The following UNC13C variants were observed in gnomAD, a reference collection of about 807,000 sequenced individuals.
The protein encoded by UNC13C is protein unc-13 homolog C.
In UNC13C, 174 loss-of-function variants were observed where a neutral mutation model predicts 245.4. The observed-to-expected ratio is 0.71, with a 90% CI of 0.63 to 0.80. UNC13C has a LOEUF of 0.80. Ranked by LOEUF, UNC13C falls within the 30% of genes least tolerant of loss-of-function variation. UNC13C has a pLI of 0.00. For missense variants in UNC13C, 2,829 were observed against 2,602.9 expected (o/e 1.09, Z -1.89); for synonymous variants, 992 against 895.1 (o/e 1.11, Z -1.93).
intron 2 of UNC13C, among the ~76,000 whole-genome samples, chr15:54,063,300 A>G (rs1897927388): frequency 6.6e-6 from 1 of 152,142 alleles, no homozygotes; most frequent in African/African-American, 2.4e-5. Flanking sequence ...TTCCAAAGCA[A>G]GACACACACG....
chr15:54,356,353 C>T (rs1233419186), intron 17 of UNC13C, among the ~76,000 whole-genome samples: 2 of 151,930 alleles, frequency 1.3e-5, no homozygotes, highest in African/African-American at 4.8e-5. Context: ...CCGGCAATCT[C>T]TAAAAGTGTT....
chr15:53,971,270 T>G, the UNC13C span, among the ~76,000 whole-genome samples: 1 of 152,208 alleles, frequency 6.6e-6, no homozygotes. Flanking sequence ...CATTGGATGC[T>G]TACGTTACAC....
the UNC13C span, among the ~76,000 whole-genome samples, chr15:53,874,871 G>A: frequency 2.5e-4 from 38 of 152,236 alleles, no homozygotes; most frequent in South Asian, 8.3e-4. Context: ...CAAGGCGGGC[G>A]GATCATGAGG....
chr15:53,997,725 G>C (rs1404000405), intron 1 of UNC13C, among the ~76,000 whole-genome samples: 1 of 151,942 alleles, frequency 6.6e-6, no homozygotes, highest in Non-Finnish European at 1.5e-5. Flanking sequence ...AGTTATATCA[G>C]TATCACTACT....
intron 4 of UNC13C, among the ~76,000 whole-genome samples, chr15:54,196,585 T>C (rs1567088246): frequency 6.6e-6 from 1 of 152,098 alleles, no homozygotes; most frequent in Non-Finnish European, 1.5e-5. Context: ...AATTAATAAA[T>C]GGAATATTAA....
chr15:54,089,736 A>G (rs1044879339), intron 2 of UNC13C, among the ~76,000 whole-genome samples: 2 of 150,994 alleles, frequency 1.3e-5, no homozygotes, highest in Admixed American at 1.3e-4. Context: ...TTGGATTCAG[A>G]ATGGGACATT....
chr15:53,893,427 G>A, the UNC13C span, among the ~76,000 whole-genome samples: 1 of 152,330 alleles, frequency 6.6e-6, no homozygotes, highest in East Asian at 1.9e-4. Flanking sequence ...AGGCAGGAAT[G>A]TTTAAATCTG....
intron 19 of UNC13C, among the ~76,000 whole-genome samples, chr15:54,462,180 A>G (rs1043904205): frequency 1.3e-5 from 2 of 152,268 alleles, no homozygotes; most frequent in African/African-American, 4.8e-5. Flanking sequence ...AAGAGAGACT[A>G]CAATCATGAG....
intron 19 of UNC13C, among the ~76,000 whole-genome samples, chr15:54,421,939 AACTTTT>A (rs1226699294): frequency 6.6e-6 from 1 of 152,052 alleles, no homozygotes; most frequent in Non-Finnish European, 1.5e-5. Flanking sequence ...TGCCTTGAGA[AACTTTT>A]ACTTTACAAT....
At chr15:54,343,859 C>G (rs751018734) in intron 17 of UNC13C, among the ~76,000 whole-genome samples, 2 of 151,972 alleles carry the variant, frequency 1.3e-5, no homozygotes, top group Non-Finnish European at 2.9e-5. Flanking sequence ...GAGGGGCTTA[C>G]TGGATAGAAA....
chr15:54,525,494 C>T, intron 24 of UNC13C, 55 bp from the exon 25 acceptor site: 1 of 1,338,004 alleles, frequency 7.5e-7, no homozygotes, highest in Non-Finnish European at 1.0e-6. Context: ...GTAAGCAAAA[C>T]AGAGGCATGC....
intron 2 of UNC13C, among the ~76,000 whole-genome samples, chr15:54,100,496 C>T (rs1335831980): frequency 2.0e-5 from 3 of 152,146 alleles, no homozygotes; most frequent in Non-Finnish European, 4.4e-5. Flanking sequence ...AGGCCTTTGA[C>T]CTGGGCCCCT....
At chr15:54,196,400 G>A (rs997866355) in intron 4 of UNC13C, among the ~76,000 whole-genome samples, 1 of 151,050 alleles carries the variant, frequency 6.6e-6, no homozygotes, top group Non-Finnish European at 1.5e-5. Flanking sequence ...AGAGATCCCT[G>A]CAAAAAGTGG....
At chr15:53,842,719 A>G in the UNC13C span, among the ~76,000 whole-genome samples, 1 of 152,176 alleles carries the variant, frequency 6.6e-6, no homozygotes, top group South Asian at 2.1e-4. Flanking sequence ...AGAGAGATAG[A>G]AATTGTATAG....
At chr15:53,931,140 T>C in the UNC13C span, among the ~76,000 whole-genome samples, 28 of 152,194 alleles carry the variant, frequency 1.8e-4, no homozygotes, top group South Asian at 6.2e-4. Context: ...TTTTATTTTA[T>C]TGATTTATTT....
intron 17 of UNC13C, 83 bp from the exon 18 acceptor site, chr15:54,392,965 T>C: frequency 7.3e-7 from 1 of 1,373,566 alleles, no homozygotes; most frequent in Non-Finnish European, 9.5e-7. Flanking sequence ...CATTTTTCTT[T>C]GATCTTCTAT....
chr15:54,054,776 G>A (rs895131041), intron 2 of UNC13C, among the ~76,000 whole-genome samples: 3 of 152,048 alleles, frequency 2.0e-5, no homozygotes. Flanking sequence ...GAGCCCAAAT[G>A]ACATTTTCAC....
chr15:53,838,599 T>C, the UNC13C span, among the ~76,000 whole-genome samples: 21 of 152,064 alleles, frequency 1.4e-4, no homozygotes, highest in Admixed American at 1.4e-3. Flanking sequence ...ACATCTCTAA[T>C]ATACATTCAA....
At chr15:54,264,904 C>T (rs5025252) in intron 9 of UNC13C, among the ~76,000 whole-genome samples, 84,409 of 151,566 alleles carry the variant, frequency 0.56, 25,077 homozygotes, top group African/African-American at 0.77. Flanking sequence ...CAAGACTCTT[C>T]ACTTACTCAT....
Sources: allele counts gnomAD v4.1 joint callset (sites outside exome capture counted in the v4.1 genomes callset), GRCh38; gene constraint gnomAD v4.1.1; transcripts MANE v1.5; gene names NCBI Gene and HGNC (gene_info 2026-07-23, HGNC 2026-07-21).